FSTL4: variants seen among roughly 807,000 people sequenced by gnomAD.
FSTL4 encodes the protein follistatin like 4.
A neutral mutation model predicts 78.2 loss-of-function variants in FSTL4; 28 were observed. That is an observed-to-expected ratio of 0.36 (90% CI 0.27 to 0.49). The LOEUF is 0.49. Among genes scored for constraint, FSTL4 ranks in the 20% least tolerant of loss-of-function variants. The pLI, the probability that FSTL4 is intolerant of heterozygous loss-of-function variation, is 0.98. For missense variants in FSTL4, 922 were observed against 1,084.9 expected, an observed-to-expected ratio of 0.85 and a Z score of 2.11; for synonymous variants, 422 against 440.5, an observed-to-expected ratio of 0.96 and a Z score of 0.53.
chr5:133,231,278 T>C (rs1751488269), intron 8 of FSTL4, among the ~76,000 whole-genome samples: 1 of 152,074 alleles, frequency 6.6e-6, no homozygotes, highest in African/African-American at 2.4e-5. Flanking sequence ...ATACTCAAAG[T>C]TAGAGCCAGC....
At chr5:133,675,880 G>A in the FSTL4 span, among the ~76,000 whole-genome samples, 1 of 152,196 alleles carries the variant, frequency 6.6e-6, no homozygotes, top group East Asian at 1.9e-4. Context: ...CTAGCCAGGG[G>A]AAGCCTTGGT....
the FSTL4 span, among the ~76,000 whole-genome samples, chr5:133,801,610 T>C: frequency 6.4e-3 from 976 of 152,370 alleles, 12 homozygotes; most frequent in African/African-American, 0.022. Context: ...CATCCTGCAG[T>C]GAGCATAACC....
the FSTL4 span, among the ~76,000 whole-genome samples, chr5:133,727,941 G>A: frequency 6.6e-6 from 1 of 152,182 alleles, no homozygotes; most frequent in African/African-American, 2.4e-5. Flanking sequence ...GTGGAAAAAG[G>A]ATGGAAAGAG....
At chr5:133,797,656 C>A in the FSTL4 span, among the ~76,000 whole-genome samples, 85,183 of 151,794 alleles carry the variant, frequency 0.56, 25,066 homozygotes, top group East Asian at 0.78. Context: ...CCGTTTAGTC[C>A]TTTGGGGGTG....
the FSTL4 span, among the ~76,000 whole-genome samples, chr5:133,653,354 C>G: frequency 1.3e-5 from 2 of 152,150 alleles, no homozygotes; most frequent in Non-Finnish European, 2.9e-5. Context: ...AGGTGAAGTA[C>G]AACCCACAAG....
intron 6 of FSTL4, among the ~76,000 whole-genome samples, chr5:133,290,867 T>C (rs968856752): frequency 9.9e-5 from 15 of 152,228 alleles, no homozygotes; most frequent in African/African-American, 3.6e-4. Context: ...TGACCCCCTG[T>C]GGGACCCCAC....
At chr5:133,695,770 C>T in the FSTL4 span, among the ~76,000 whole-genome samples, 1 of 152,176 alleles carries the variant, frequency 6.6e-6, no homozygotes, top group African/African-American at 2.4e-5. Context: ...AGGCAACCCC[C>T]TCCCCTCCCT....
chr5:133,509,582 T>C (rs459779), intron 3 of FSTL4, among the ~76,000 whole-genome samples: 20,784 of 152,190 alleles, frequency 0.14, 1,483 homozygotes, highest in Non-Finnish European at 0.15. Context: ...GCTATTTAAA[T>C]GGTTATTGCT....
intron 3 of FSTL4, among the ~76,000 whole-genome samples, chr5:133,554,983 T>C (rs575051709): frequency 6.6e-6 from 1 of 152,318 alleles, no homozygotes; most frequent in Admixed American, 6.5e-5. Flanking sequence ...ATCATCTGTC[T>C]AGGGACCATC....
chr5:133,250,540 A>T (rs1215511633), intron 6 of FSTL4, among the ~76,000 whole-genome samples: 1 of 152,176 alleles, frequency 6.6e-6, no homozygotes, highest in African/African-American at 2.4e-5. Context: ...CTCTATTGGG[A>T]CCTGGGGGAC....
intron 6 of FSTL4, among the ~76,000 whole-genome samples, chr5:133,312,210 T>C (rs2126887789): frequency 6.6e-6 from 1 of 152,238 alleles, no homozygotes; most frequent in African/African-American, 2.4e-5. Context: ...CCATTGTCCT[T>C]GGGTAGTCAC....
intron 4 of FSTL4, among the ~76,000 whole-genome samples, chr5:133,371,349 A>T (rs1426998496): frequency 6.6e-6 from 1 of 152,190 alleles, no homozygotes. Flanking sequence ...CATTTAACAT[A>T]TCTACTCTTG....
the FSTL4 span, among the ~76,000 whole-genome samples, chr5:133,629,314 A>G: frequency 6.6e-6 from 1 of 152,114 alleles, no homozygotes; most frequent in Non-Finnish European, 1.5e-5. Flanking sequence ...GCATGGGGAT[A>G]TCACCACTAT....
At chr5:133,408,174 A>T (rs771466923) in intron 3 of FSTL4, among the ~76,000 whole-genome samples, 53 of 152,186 alleles carry the variant, frequency 3.5e-4, no homozygotes, top group Admixed American at 5.2e-4. Flanking sequence ...TCTAGCCTGG[A>T]TCAGTAAGTA....
chr5:133,325,565 T>C (rs554499641), intron 4 of FSTL4, among the ~76,000 whole-genome samples: 2 of 150,878 alleles, frequency 1.3e-5, no homozygotes, highest in East Asian at 3.9e-4. Context: ...GGCGTGGACC[T>C]AGGGGCAAAG....
At chr5:133,228,925 C>T (rs886698767) in intron 8 of FSTL4, among the ~76,000 whole-genome samples, 1 of 152,082 alleles carries the variant, frequency 6.6e-6, no homozygotes, top group African/African-American at 2.4e-5. Flanking sequence ...ACAAATAGTA[C>T]AAAGATGGAG....
intron 3 of FSTL4, among the ~76,000 whole-genome samples, chr5:133,566,836 T>C (rs1408762929): frequency 6.6e-6 from 1 of 152,222 alleles, no homozygotes; most frequent in Non-Finnish European, 1.5e-5. Context: ...CCATAGGCCA[T>C]TTTTTGTGTT....
At chr5:133,600,932 T>C (rs906463358) in intron 2 of FSTL4, among the ~76,000 whole-genome samples, 1 of 152,254 alleles carries the variant, frequency 6.6e-6, no homozygotes, top group South Asian at 2.1e-4. Context: ...TTCCAGGAAA[T>C]AAGACTGTCT....
At chr5:133,600,086 A>G (rs893164965) in intron 2 of FSTL4, among the ~76,000 whole-genome samples, 35 of 152,234 alleles carry the variant, frequency 2.3e-4, no homozygotes, top group Non-Finnish European at 1.0e-4. Flanking sequence ...GGATTTTTCA[A>G]CATGAGCATA....
Sources: allele counts gnomAD v4.1 joint callset (sites outside exome capture counted in the v4.1 genomes callset), GRCh38; gene constraint gnomAD v4.1.1; transcripts MANE v1.5; gene names NCBI Gene and HGNC (gene_info 2026-07-23, HGNC 2026-07-21).